SH3RF2: variants seen among roughly 807,000 people sequenced by gnomAD.
SH3RF2 encodes E3 ubiquitin-protein ligase SH3RF2.
SH3RF2 carries 43 observed loss-of-function variants against 59.0 expected under a neutral mutation model. The observed-to-expected ratio is 0.73, with a 90% CI of 0.57 to 0.94. The LOEUF (loss-of-function observed/expected upper bound fraction) is 0.94. SH3RF2 is among the 40% of genes least tolerant of loss of function. SH3RF2 has a pLI of 0.00. For synonymous variants in SH3RF2, 391 were observed against 391.5 expected (o/e 1.00, Z 0.01); for missense variants, 930 against 940.1 (o/e 0.99, Z 0.14).
chr5:146,044,149 G>GTTTTTTTTTTTT (rs796365278), intron 5 of SH3RF2, among the ~76,000 whole-genome samples: 2 of 61,206 alleles, frequency 3.3e-5, no homozygotes, highest in South Asian at 3.7e-4. Flanking sequence ...GTTTTTTTTT[G>GTTTTTTTTTTTT]TTTTTTTTTT....
intron 4 of SH3RF2, among the ~76,000 whole-genome samples, chr5:146,004,869 T>A (rs964839052): frequency 6.6e-6 from 1 of 152,142 alleles, no homozygotes; most frequent in African/African-American, 2.4e-5. Flanking sequence ...GTGAATATAC[T>A]TAACACTACT....
At chr5:145,999,665 G>A (rs1269003734) in intron 2 of SH3RF2, among the ~76,000 whole-genome samples, 2 of 152,062 alleles carry the variant, frequency 1.3e-5, no homozygotes, top group East Asian at 3.9e-4. Context: ...TGACCAGTTT[G>A]TGGAGCAGTC....
chr5:145,946,093 C>T (rs1053536838), intron 2 of SH3RF2, among the ~76,000 whole-genome samples: 1 of 152,248 alleles, frequency 6.6e-6, no homozygotes, highest in Non-Finnish European at 1.5e-5. Context: ...CTTCCTGCAT[C>T]TGGGGCCTGT....
In SH3RF2 at chr5:146,013,768, C is replaced by T; in HGVS notation, c.766C>T (p.Leu256Phe). 1 of 1,613,998 alleles carries T rather than the reference C, an allele frequency of 6.2e-7. No homozygotes were observed. The highest frequency in any genetic ancestry group is 1.7e-5 in the Admixed American group (1 of 59,990). Residue 256 changes from leucine to phenylalanine, a missense_variant, in exon 5 of 10, where the codon CTT (leucine) becomes TTT (phenylalanine). Coordinates refer to ENST00000359120, the MANE Select transcript of SH3RF2 (RefSeq NM_152550.4). The stretch of plus-strand genomic sequence containing the variant: ...TCAGCCAAACCTCACCGCAAGACAC[C>T]TTTTAGAGAAGAACAAAGGTCGCCA... Reference protein sequence around the residue: ...FVEPNLTARHLLEKNKGRQSS... With the variant: ...FVEPNLTARHFLEKNKGRQSS...
At chr5:145,981,430 T>TCAGGATTCACCAAGATCCACACATTG (rs1759502276) in intron 2 of SH3RF2, among the ~76,000 whole-genome samples, 1 of 131,362 alleles carries the variant, frequency 7.6e-6, no homozygotes, top group East Asian at 2.2e-4. Flanking sequence ...TTTGTTTGAA[T>TCAGGATTCACCAAGATCCACACATTG]CAGGATTCAC....
At chr5:146,072,532 G>A (rs1025719980) in intron 9 of SH3RF2, among the ~76,000 whole-genome samples, 7 of 152,050 alleles carry the variant, frequency 4.6e-5, no homozygotes, top group Admixed American at 6.6e-5. Flanking sequence ...TTAGCCAGAC[G>A]TGGTGGCGGG....
At chr5:146,067,278 G>A (rs1763129384), downstream of SH3RF2, among the ~76,000 whole-genome samples, 1 of 152,162 alleles carries the variant, frequency 6.6e-6, no homozygotes, top group Non-Finnish European at 1.5e-5. Flanking sequence ...GCCTTCCCCG[G>A]CAGCAGCAAC....
chr5:146,031,036 C>A (rs533462472), intron 5 of SH3RF2, among the ~76,000 whole-genome samples: 1 of 152,164 alleles, frequency 6.6e-6, no homozygotes, highest in Non-Finnish European at 1.5e-5. Flanking sequence ...AAGCAAACAC[C>A]CTCCTCTGGT....
At chr5:145,991,024 T>C (rs542496398) in intron 2 of SH3RF2, among the ~76,000 whole-genome samples, 2 of 152,302 alleles carry the variant, frequency 1.3e-5, no homozygotes, top group Admixed American at 1.3e-4. Context: ...GTTCAATAAT[T>C]CATGCTATTA....
At chr5:145,985,437 G>A (rs1759662888) in intron 2 of SH3RF2, among the ~76,000 whole-genome samples, 1 of 152,084 alleles carries the variant, frequency 6.6e-6, no homozygotes, top group Non-Finnish European at 1.5e-5. Context: ...TCTCCCCAAG[G>A]GCCTGGGAGT....
chr5:145,964,469 G>A (rs931481619), intron 2 of SH3RF2, among the ~76,000 whole-genome samples: 3 of 151,696 alleles, frequency 2.0e-5, no homozygotes, highest in South Asian at 2.1e-4. Context: ...ACCACGCCCC[G>A]CTAATTTTTG....
chr5:145,969,546 CA>C (rs947010909), intron 2 of SH3RF2, among the ~76,000 whole-genome samples: 1 of 152,058 alleles, frequency 6.6e-6, no homozygotes, highest in African/African-American at 2.4e-5. Context: ...GTAACAGCTA[CA>C]GACATTAGAG....
chr5:145,958,900 T>C (rs1409484188), intron 2 of SH3RF2, among the ~76,000 whole-genome samples: 1 of 152,202 alleles, frequency 6.6e-6, no homozygotes, highest in Non-Finnish European at 1.5e-5. Flanking sequence ...CGTGGCCTGT[T>C]TAGGGCACTT....
intron 5 of SH3RF2, among the ~76,000 whole-genome samples, chr5:146,044,182 G>A (rs531263701): frequency 2.7e-5 from 4 of 149,134 alleles, no homozygotes; most frequent in Admixed American, 6.7e-5. Flanking sequence ...ACAGAGTCTC[G>A]CTCTGTCACC....
At chr5:146,051,836 G>A (rs1014456328) in intron 7 of SH3RF2, among the ~76,000 whole-genome samples, 2 of 152,184 alleles carry the variant, frequency 1.3e-5, no homozygotes, top group African/African-American at 4.8e-5. Context: ...GATCATCATG[G>A]TGGGATGAGT....
intron 2 of SH3RF2, among the ~76,000 whole-genome samples, chr5:145,975,935 A>G (rs1167396068): frequency 6.6e-6 from 1 of 152,244 alleles, no homozygotes; most frequent in Non-Finnish European, 1.5e-5. Flanking sequence ...CAATTGACCA[A>G]TAAATGTTAC....
At chr5:145,961,242 G>A (rs1197239824) in intron 2 of SH3RF2, among the ~76,000 whole-genome samples, 2 of 136,782 alleles carry the variant, frequency 1.5e-5, no homozygotes, top group African/African-American at 2.9e-5. Flanking sequence ...GGAAAGTTCT[G>A]AGGGGTCATC....
chr5:145,961,725 T>C (rs919336854), intron 2 of SH3RF2, among the ~76,000 whole-genome samples: 1 of 152,226 alleles, frequency 6.6e-6, no homozygotes. Flanking sequence ...TTTTTATTAA[T>C]ACTGATCAGA....
intron 5 of SH3RF2, among the ~76,000 whole-genome samples, chr5:146,031,479 G>A (rs544936597): frequency 2.0e-5 from 3 of 152,330 alleles, no homozygotes; most frequent in African/African-American, 7.2e-5. Context: ...AGATGTGAAT[G>A]AGTGTGTGAG....
Sources: gnomAD v4.1 joint callset for allele counts (sites outside exome capture counted in the v4.1 genomes callset) on GRCh38, gnomAD v4.1.1 for gene constraint, MANE v1.5 for transcripts, NCBI Gene and HGNC (gene_info 2026-07-23, HGNC 2026-07-21) for gene names.